SCAF4: variants seen among roughly 807,000 people sequenced by gnomAD.
The protein encoded by SCAF4 is SR-related CTD associated factor 4.
Under a neutral mutation model 129.8 loss-of-function variants are expected in SCAF4, and 25 were observed. The observed-to-expected ratio is 0.19, with a 90% CI of 0.14 to 0.27. The LOEUF is 0.27. Ranked by LOEUF, SCAF4 falls within the 10% of genes least tolerant of loss-of-function variation. SCAF4 has a pLI of 1.00. For missense variants in SCAF4, 1,246 were observed against 1,457.1 expected (o/e 0.86, Z 2.36); for synonymous variants, 551 against 497.7 (o/e 1.11, Z -1.43).
At chr21:31,708,659 C>T (rs2050726349) in intron 1 of SCAF4, among the ~76,000 whole-genome samples, 1 of 151,820 alleles carries the variant, frequency 6.6e-6, no homozygotes, top group African/African-American at 2.4e-5. Flanking sequence ...TTAATGAACA[C>T]ACCCACACAC....
Position 31,672,050 on chromosome 21 carries a change from T to C in SCAF4, c.2793A>G (p.Pro931=). 3.7e-6 allele frequency: 6 copies of C among 1,613,308 alleles called. No individual in the cohort carries two copies. The highest frequency in any genetic ancestry group is 5.1e-6 in the Non-Finnish European group (6 of 1,179,626). Residue 931 remains proline (P), a synonymous_variant, in exon 20 of 20, where the codon CCA becomes CCG. Transcript: ENST00000286835. The stretch of plus-strand genomic sequence containing the variant: ...TTCCGTCTCTGTCTTCAGGACCCCC[T>C]GGGCCTGGCCCTGGGCCCCCGAGCC... ...MPGLGGPGPG[P]GGPEDRDGRQ... is the part of the protein sequence containing the mutation.
At chr21:31,675,645 G>C (rs147458435) in intron 19 of SCAF4, among the ~76,000 whole-genome samples, 1 of 152,160 alleles carries the variant, frequency 6.6e-6, no homozygotes, top group Non-Finnish European at 1.5e-5. Flanking sequence ...TTAATACAGC[G>C]AGGCATTAGG....
At position 31,685,392 on chromosome 21, in the gene SCAF4, G is replaced by T. The variant is rs776915605; in HGVS notation, c.2296+6C>A. 1.9e-6 allele frequency: 3 copies of T among 1,604,422 alleles called. No individual in the cohort carries two copies. Among genetic ancestry groups the T allele is most frequent in the South Asian group, 1.1e-5 (1 of 89,648 alleles). ...TAAGCAAACACAAAGAAAAAAACAT[G>T]CTTACAGTTTGGGATGCTTATTGGT... On this transcript the variant is annotated splice_donor_region_variant and intron_variant, in intron 18 of 19. Transcript: ENST00000286835.
intron 19 of SCAF4, among the ~76,000 whole-genome samples, chr21:31,675,714 A>G (rs1248630869): frequency 6.6e-6 from 1 of 152,208 alleles, no homozygotes; most frequent in Non-Finnish European, 1.5e-5. Context: ...AGTATGGAAA[A>G]CACACTGGAG....
intron 1 of SCAF4, among the ~76,000 whole-genome samples, chr21:31,714,358 G>GC (rs1377918663): frequency 6.6e-6 from 1 of 152,076 alleles, no homozygotes; most frequent in Non-Finnish European, 1.5e-5. Context: ...AATAACAACA[G>GC]CCCCTCCAAA....
At chr21:31,712,419 T>C (rs998909803) in intron 1 of SCAF4, among the ~76,000 whole-genome samples, 1 of 151,714 alleles carries the variant, frequency 6.6e-6, no homozygotes, top group Non-Finnish European at 1.5e-5. Flanking sequence ...GGTTTTGCCA[T>C]GTTGCCCAGG....
At chr21:31,681,910 C>T (rs775475086) in intron 19 of SCAF4, among the ~76,000 whole-genome samples, 13 of 152,080 alleles carry the variant, frequency 8.5e-5, no homozygotes, top group Non-Finnish European at 1.6e-4. Flanking sequence ...CTGTTTGGTG[C>T]CTAGTACTTT....
chr21:31,728,740 A>T (rs1197237659), intron 1 of SCAF4, among the ~76,000 whole-genome samples: 2 of 151,244 alleles, frequency 1.3e-5, no homozygotes, highest in Non-Finnish European at 2.9e-5. Flanking sequence ...TCCCATCTGA[A>T]CTCCTGGATG....
intron 7 of SCAF4, among the ~76,000 whole-genome samples, chr21:31,699,373 A>C (rs1024413119): frequency 6.6e-6 from 1 of 152,232 alleles, no homozygotes; most frequent in Non-Finnish European, 1.5e-5. Flanking sequence ...ACAAAAAACT[A>C]GGAAAACCAA....
intron 19 of SCAF4, among the ~76,000 whole-genome samples, chr21:31,674,296 CTTATA>C (rs916716972): frequency 1.3e-5 from 2 of 152,114 alleles, no homozygotes; most frequent in African/African-American, 4.8e-5. Flanking sequence ...TCATATAAAC[CTTATA>C]TAAAAGCACA....
chr21:31,689,244 T>C (rs1366848223), intron 15 of SCAF4, among the ~76,000 whole-genome samples: 4 of 152,034 alleles, frequency 2.6e-5, no homozygotes, highest in African/African-American at 7.2e-5. Context: ...TAGTACAGCA[T>C]TGTTTCATCT....
chr21:31,724,194 G>T (rs561922010), intron 1 of SCAF4, among the ~76,000 whole-genome samples: 3 of 152,148 alleles, frequency 2.0e-5, no homozygotes, highest in African/African-American at 7.2e-5. Flanking sequence ...ATCTCTTGTA[G>T]TTCTCAAAAT....
At chr21:31,709,250 T>G (rs2050740623) in intron 1 of SCAF4, among the ~76,000 whole-genome samples, 1 of 152,012 alleles carries the variant, frequency 6.6e-6, no homozygotes. Context: ...CCTTTCCCAT[T>G]TTCTAATGAT....
chr21:31,697,144 G>A (rs2050407025), intron 7 of SCAF4, among the ~76,000 whole-genome samples: 1 of 152,076 alleles, frequency 6.6e-6, no homozygotes, highest in Non-Finnish European at 1.5e-5. Context: ...CAAAAAGACT[G>A]TCTTATTCAA....
intron 15 of SCAF4, 121 bp from the exon 16 acceptor site, chr21:31,688,585 AT>A: frequency 1.3e-6 from 1 of 754,272 alleles, no homozygotes; most frequent in Non-Finnish European, 2.2e-6. Context: ...TCCCATGCTA[AT>A]TTTAGAAATA....
At chr21:31,693,535 A>G in intron 11 of SCAF4, 51 bp from the exon 12 acceptor site, 1 of 1,227,800 alleles carries the variant, frequency 8.1e-7, no homozygotes, top group South Asian at 2.3e-5. Context: ...CAAAAACCAG[A>G]AAATATAAGC....
chr21:31,692,851 T>C (rs1442625676), intron 12 of SCAF4, among the ~76,000 whole-genome samples: 2 of 152,228 alleles, frequency 1.3e-5, no homozygotes, highest in African/African-American at 4.8e-5. Context: ...TTCTCCACTC[T>C]TAAGTGTTGA....
At chr21:31,717,870 CATATACACAT>C (rs1555853935) in intron 1 of SCAF4, among the ~76,000 whole-genome samples, 10 of 124,818 alleles carry the variant, frequency 8.0e-5, no homozygotes, top group African/African-American at 2.1e-4. Flanking sequence ...CACACACACA[CATATACACAT>C]ATATACACAT....
chr21:31,723,499 T>A (rs1008667410), intron 1 of SCAF4, among the ~76,000 whole-genome samples: 3 of 151,732 alleles, frequency 2.0e-5, no homozygotes, highest in Non-Finnish European at 4.4e-5. Flanking sequence ...AAACAAAAAA[T>A]CCTGTAACAT....
Sources: gnomAD v4.1 joint callset for allele counts (sites outside exome capture counted in the v4.1 genomes callset) on GRCh38, gnomAD v4.1.1 for gene constraint, MANE v1.5 for transcripts, NCBI Gene and HGNC (gene_info 2026-07-23, HGNC 2026-07-21) for gene names.